The following CDH4 variants were observed in gnomAD, a reference collection of about 807,000 sequenced individuals.
CDH4 encodes cadherin 4.
CDH4 carries 33 observed loss-of-function variants against 86.0 expected under a neutral mutation model. That is an observed-to-expected ratio of 0.38 (90% CI 0.29 to 0.51). The LOEUF (loss-of-function observed/expected upper bound fraction) is 0.51. Ranked by LOEUF, CDH4 falls within the 20% of genes least tolerant of loss-of-function variation. The pLI, the probability that CDH4 is intolerant of heterozygous loss-of-function variation, is 0.86. For missense variants in CDH4, 1,114 were observed against 1,307.4 expected, an observed-to-expected ratio of 0.85 and a Z score of 2.28; for synonymous variants, 555 against 549.4, an observed-to-expected ratio of 1.01 and a Z score of -0.14.
intron 2 of CDH4, among the ~76,000 whole-genome samples, chr20:61,593,620 T>C (rs2086533246): frequency 6.6e-6 from 1 of 152,202 alleles, no homozygotes. Context: ...CTGTATATGC[T>C]TAGGACAATT....
At chr20:61,627,701 C>A (rs1367190005) in intron 2 of CDH4, among the ~76,000 whole-genome samples, 1 of 152,112 alleles carries the variant, frequency 6.6e-6, no homozygotes, top group Non-Finnish European at 1.5e-5. Flanking sequence ...CCTCCCGCCC[C>A]CCGACTCGAC....
At chr20:61,311,961 T>G (rs2084447891) in intron 2 of CDH4, among the ~76,000 whole-genome samples, 1 of 152,284 alleles carries the variant, frequency 6.6e-6, no homozygotes, top group African/African-American at 2.4e-5. Context: ...CGTGCACATG[T>G]GTACTGTATG....
At chr20:61,696,867 C>T (rs1414035197) in intron 2 of CDH4, among the ~76,000 whole-genome samples, 2 of 152,144 alleles carry the variant, frequency 1.3e-5, no homozygotes, top group Admixed American at 6.5e-5. Context: ...GTGATCTAGG[C>T]GCACCCTAAA....
At chr20:61,503,327 C>T (rs888806454) in intron 2 of CDH4, among the ~76,000 whole-genome samples, 4 of 152,158 alleles carry the variant, frequency 2.6e-5, no homozygotes, top group Non-Finnish European at 4.4e-5. Flanking sequence ...CAATCAGCTG[C>T]TCCACATTGC....
At chr20:61,398,749 G>C (rs2085032926) in intron 2 of CDH4, among the ~76,000 whole-genome samples, 1 of 152,190 alleles carries the variant, frequency 6.6e-6, no homozygotes, top group Non-Finnish European at 1.5e-5. Flanking sequence ...GGGTACTGTG[G>C]CCTAGCCAAA....
chr20:61,753,294 G>A (rs1396926544), intron 3 of CDH4, among the ~76,000 whole-genome samples: 1 of 152,062 alleles, frequency 6.6e-6, no homozygotes, highest in East Asian at 1.9e-4. Flanking sequence ...TTCAAGTGCC[G>A]CCTCCTCTGT....
At chr20:61,924,152 G>C (rs949835247) in intron 10 of CDH4, among the ~76,000 whole-genome samples, 182 bp from the exon 11 acceptor site, 7 of 152,232 alleles carry the variant, frequency 4.6e-5, no homozygotes, top group Non-Finnish European at 8.8e-5. Context: ...GGGGCCGGGG[G>C]GGAGGGTGCC....
chr20:61,550,502 C>T (rs1036598056), intron 2 of CDH4, among the ~76,000 whole-genome samples: 1 of 152,186 alleles, frequency 6.6e-6, no homozygotes, highest in African/African-American at 2.4e-5. Context: ...CTGCCAGCTT[C>T]CAGGGCTCCC....
rs950627913 is a variant in CDH4 at position 61,684,195 on chromosome 20, C to T, written c.170-59368C>T. 1.3e-5 allele frequency among the ~76,000 whole-genome samples: 2 copies of T among 152,192 alleles called. No individual in the cohort carries two copies. The highest frequency in any genetic ancestry group is 2.9e-5 in the Non-Finnish European group (2 of 68,036). On this transcript the variant is annotated intron_variant, in intron 2 of 15. Transcript: ENST00000614565. The surrounding 1 kb of genome is among the most constrained non-coding windows in gnomAD (Gnocchi z 4.5). ...AAACCCCCAAAGGAATAAATGCAGC[C>T]GTTGCTGCTGGTGAAGGAGGCCGTC... is the stretch of plus-strand genomic sequence containing the variant.
At chr20:61,721,283 T>C (rs2104778) in intron 2 of CDH4, among the ~76,000 whole-genome samples, 50,863 of 152,090 alleles carry the variant, frequency 0.33, 9,645 homozygotes, top group South Asian at 0.44. Flanking sequence ...TAATGTGCAT[T>C]CAGCAGAAGC....
chr20:61,474,285 C>T (rs951327173), intron 2 of CDH4, among the ~76,000 whole-genome samples: 11 of 149,944 alleles, frequency 7.3e-5, no homozygotes, highest in Admixed American at 2.0e-4. Flanking sequence ...CTCAGCCTCC[C>T]GAGTAGCTGG....
At chr20:61,638,966 G>A (rs904931828) in intron 2 of CDH4, among the ~76,000 whole-genome samples, 4 of 152,182 alleles carry the variant, frequency 2.6e-5, no homozygotes, top group African/African-American at 9.6e-5. Flanking sequence ...TTGTGATAAC[G>A]GAATGAATGA....
chr20:61,885,426 C>T (rs765276469), intron 7 of CDH4, among the ~76,000 whole-genome samples: 5 of 152,168 alleles, frequency 3.3e-5, no homozygotes, highest in African/African-American at 7.2e-5. Flanking sequence ...TGTCTGGTGT[C>T]TCTCACCGAG....
chr20:61,345,095 C>G (rs2084670896), intron 2 of CDH4, among the ~76,000 whole-genome samples: 1 of 152,230 alleles, frequency 6.6e-6, no homozygotes, highest in Non-Finnish European at 1.5e-5. Flanking sequence ...CTAGCTGTCT[C>G]TTTCGATGGA....
chr20:61,298,721 A>G (rs2123199571), intron 2 of CDH4, among the ~76,000 whole-genome samples: 1 of 151,954 alleles, frequency 6.6e-6, no homozygotes, highest in South Asian at 2.1e-4. Flanking sequence ...AAAAAAAAGA[A>G]AAAGAAAAAT....
At chr20:61,896,330 G>A (rs1039215840) in intron 8 of CDH4, among the ~76,000 whole-genome samples, 1 of 152,210 alleles carries the variant, frequency 6.6e-6, no homozygotes, top group Non-Finnish European at 1.5e-5. Flanking sequence ...TGCTGAGAAG[G>A]CAACTAAGGC....
chr20:61,550,565 T>C (rs894212423), intron 2 of CDH4, among the ~76,000 whole-genome samples: 2 of 140,428 alleles, frequency 1.4e-5, no homozygotes, highest in Non-Finnish European at 3.1e-5. Context: ...TGCGGGACCC[T>C]GCCCTTGTGT....
intron 2 of CDH4, among the ~76,000 whole-genome samples, chr20:61,446,085 G>A (rs888838325): frequency 6.6e-6 from 1 of 152,218 alleles, no homozygotes; most frequent in African/African-American, 2.4e-5. Context: ...GAAAGACCAT[G>A]AAAAATGAAA....
chr20:61,320,441 G>C (rs1175531776), intron 2 of CDH4, among the ~76,000 whole-genome samples: 1 of 152,060 alleles, frequency 6.6e-6, no homozygotes, highest in African/African-American at 2.4e-5. Flanking sequence ...CTGGAGTGTC[G>C]GTGGGGTTGG....
Sources: allele counts gnomAD v4.1 joint callset (sites outside exome capture counted in the v4.1 genomes callset), GRCh38; gene constraint gnomAD v4.1.1; non-coding constraint Gnocchi (gnomAD v3.1); transcripts MANE v1.5; gene names NCBI Gene and HGNC (gene_info 2026-07-23, HGNC 2026-07-21).